ZNF407: variants seen among roughly 807,000 people sequenced by gnomAD.
ZNF407 encodes zinc finger protein 407.
ZNF407 carries 17 observed loss-of-function variants against 131.2 expected under a neutral mutation model. The observed-to-expected ratio is 0.13, with a 90% CI of 0.09 to 0.19. ZNF407 has a LOEUF of 0.19. Among genes scored for constraint, ZNF407 ranks in the 10% least tolerant of loss-of-function variants. ZNF407 has a pLI of 1.00. For missense variants in ZNF407, 2,681 were observed against 2,830.6 expected, an observed-to-expected ratio of 0.95 and a Z score of 1.20; for synonymous variants, 1,156 against 1,062.0, an observed-to-expected ratio of 1.09 and a Z score of -1.72.
rs188001466 is a variant in ZNF407, at chr18:74,863,885, G to C, written c.4878-13312G>C. 2.0e-3 allele frequency among the ~76,000 whole-genome samples: 307 copies of C among 152,176 alleles called. 4 individuals are homozygous for C. Among genetic ancestry groups the C allele is most frequent in the Admixed American group, 0.017 (264 of 15,292 alleles). On this transcript the variant is annotated intron_variant, in intron 4 of 8. Coordinates refer to ENST00000299687, the MANE Select transcript of ZNF407 (RefSeq NM_017757.3). ...GCATATCTGAACCTCTGGTTTTATA[G>C]TATTATAAAGTTATGCCTGGCAGTG...
At chr18:74,641,343 A>G (rs552824159) in intron 3 of ZNF407, among the ~76,000 whole-genome samples, 7 of 152,194 alleles carry the variant, frequency 4.6e-5, no homozygotes, top group Non-Finnish European at 7.4e-5. Context: ...TACAAGGTCA[A>G]TTTGAACCTG....
intron 3 of ZNF407, among the ~76,000 whole-genome samples, chr18:74,721,048 G>T (rs948645461): frequency 1.3e-5 from 2 of 149,812 alleles, no homozygotes; most frequent in Non-Finnish European, 3.0e-5. Flanking sequence ...TTGGTATTTT[G>T]ATAGGGATTG....
At chr18:74,979,186 A>T (rs1972560463) in intron 8 of ZNF407, among the ~76,000 whole-genome samples, 4 of 152,152 alleles carry the variant, frequency 2.6e-5, no homozygotes, top group Non-Finnish European at 4.4e-5. Flanking sequence ...ACCTCTGTAG[A>T]GTCTACTTGG....
In ZNF407 at chr18:74,964,963, G is replaced by C. The variant is rs957107368; in HGVS notation, c.5428+44271G>C. 2.0e-5 allele frequency among the ~76,000 whole-genome samples: 3 copies of C among 152,170 alleles called. 1 individual carries two copies. The highest frequency in any genetic ancestry group is 7.2e-5 in the African/African-American group (3 of 41,442). On this transcript the variant is annotated intron_variant, in intron 8 of 8. Transcript: ENST00000299687. The stretch of plus-strand genomic sequence containing the variant: ...CATTTTCGTGTGTATCTATATGATT[G>C]CCTTAGCAGTAGAAAGAACCTCTTC...
Position 75,033,973 on chromosome 18 carries a change from A to C in ZNF407, c.5429-29177A>C, listed in dbSNP as rs190029504. 5.3e-5 allele frequency among the ~76,000 whole-genome samples: 8 copies of C among 152,350 alleles called. No homozygotes were observed. In the East Asian group the frequency reaches 1.5e-3, roughly 29 times the overall value. The stretch of plus-strand genomic sequence containing the variant: ...TTTTATATTTTCTTCATATTTATCT[A>C]ATGTGATAAGATGGCAAGAGCTATA... On this transcript the variant is annotated intron_variant, in intron 8 of 8. Transcript: ENST00000299687.
At chr18:74,738,478 G>T (rs1318884722) in intron 3 of ZNF407, among the ~76,000 whole-genome samples, 1 of 145,826 alleles carries the variant, frequency 6.9e-6, no homozygotes, top group African/African-American at 2.7e-5. Context: ...GGTGGCTCAT[G>T]CCTGTAATGC....
chr18:74,652,353 GT>G (rs1331663939), intron 3 of ZNF407, among the ~76,000 whole-genome samples: 3 of 151,856 alleles, frequency 2.0e-5, no homozygotes, highest in African/African-American at 7.3e-5. Flanking sequence ...ACTTGCTAGG[GT>G]TTTTATTCAT....
At position 74,650,889 on chromosome 18, in the gene ZNF407, T is replaced by C. The variant is rs1003152561; in HGVS notation, c.4802+9767T>C. On this transcript the variant is annotated intron_variant, in intron 3 of 8. Transcript: ENST00000299687. ...TAAATTATTGAGAACTACATTTCCATTTCTGTAGTGGAGGGGGCAAGAAAT... is the reference window on the plus strand; with the variant it reads ...TAAATTATTGAGAACTACATTTCCACTTCTGTAGTGGAGGGGGCAAGAAAT... 3.9e-5 allele frequency among the ~76,000 whole-genome samples: 6 copies of C among 152,284 alleles called. No homozygotes were observed. The East Asian group carries it at 1.2e-3, about 29-fold the overall frequency.
chr18:74,840,721 T>C (rs1457817841), intron 4 of ZNF407, among the ~76,000 whole-genome samples: 2 of 152,154 alleles, frequency 1.3e-5, no homozygotes, highest in Non-Finnish European at 2.9e-5. Context: ...CATCTTCCTG[T>C]TTACATAGGC....
intron 8 of ZNF407, among the ~76,000 whole-genome samples, chr18:74,965,075 A>G (rs569384942): frequency 2.0e-5 from 3 of 152,276 alleles, no homozygotes; most frequent in South Asian, 2.1e-4. Flanking sequence ...TATTTATGGC[A>G]TACCTGAGAT....
rs1255195732 is a variant in ZNF407, at chr18:74,901,829, T to C, written c.5249+11791T>C. ...CACATATATTATTACCTTCCTTGCA[T>C]CTCTTTTTAACAAAACAATCTTTTA... On this transcript the variant is annotated intron_variant, in intron 7 of 8. Coordinates refer to ENST00000299687, the MANE Select transcript of ZNF407 (RefSeq NM_017757.3). Among the ~76,000 whole-genome samples, 4 of 152,294 alleles carry C rather than the reference T, an allele frequency of 2.6e-5. No individual in the cohort carries two copies. In the East Asian group the frequency reaches 7.7e-4, roughly 29 times the overall value.
At position 74,664,568 on chromosome 18, in the gene ZNF407, C is replaced by T. The variant is rs577363420; in HGVS notation, c.4802+23446C>T. On this transcript the variant is annotated intron_variant, in intron 3 of 8. Transcript: ENST00000299687. ...CACTTCACACATGAAGTATTTTAGTCACTTTAAAAAAGTGACTTTAAATCC... is the reference window on the plus strand; with the variant it reads ...CACTTCACACATGAAGTATTTTAGTTACTTTAAAAAAGTGACTTTAAATCC... 5.9e-5 allele frequency among the ~76,000 whole-genome samples: 9 copies of T among 152,170 alleles called. No individual in the cohort carries two copies. The South Asian group carries it at 1.7e-3, about 28-fold the overall frequency.
At chr18:74,845,681 A>G (rs1970693013) in intron 4 of ZNF407, among the ~76,000 whole-genome samples, 2 of 152,250 alleles carry the variant, frequency 1.3e-5, no homozygotes, top group Admixed American at 6.5e-5. Flanking sequence ...ACTAAAATAT[A>G]CAATGAAGTT....
intron 3 of ZNF407, among the ~76,000 whole-genome samples, chr18:74,664,959 T>C (rs993266687): frequency 7.2e-5 from 11 of 152,216 alleles, no homozygotes; most frequent in Admixed American, 4.6e-4. Flanking sequence ...GTTCGGGTTC[T>C]GCCAATTTCA....
rs539660882 is a variant in ZNF407, at chr18:75,012,324, T to C, written c.5429-50826T>C. 4.8e-3 allele frequency among the ~76,000 whole-genome samples: 491 copies of C among 101,284 alleles called. 18 individuals carry two copies. Among genetic ancestry groups the C allele is most frequent in the African/African-American group, 0.016 (455 of 28,284 alleles). The allele number at this position is 101,284 out of a possible 152,430, so 66.4% of individuals were successfully genotyped here. Reference sequence around the variant, plus strand: ...TATGTACACATAGTGTATGTACACATAGTGTATGTACACATAGTGTATGTA... The same window carrying C: ...TATGTACACATAGTGTATGTACACACAGTGTATGTACACATAGTGTATGTA... On this transcript the variant is annotated intron_variant, in intron 8 of 8. Transcript: ENST00000299687.
chr18:74,648,362 T>A (rs1985071901), intron 3 of ZNF407, among the ~76,000 whole-genome samples: 1 of 152,132 alleles, frequency 6.6e-6, no homozygotes, highest in South Asian at 2.1e-4. Flanking sequence ...AGGTGGACAG[T>A]TCCAGGGACA....
At chr18:75,053,305 G>A (rs1373167326) in intron 8 of ZNF407, among the ~76,000 whole-genome samples, 1 of 152,172 alleles carries the variant, frequency 6.6e-6, no homozygotes, top group Non-Finnish European at 1.5e-5. Context: ...ACCCCGTCAG[G>A]TCTGGGCTCA....
chr18:74,846,328 C>T (rs1375064016), intron 4 of ZNF407, among the ~76,000 whole-genome samples: 2 of 151,554 alleles, frequency 1.3e-5, no homozygotes, highest in Non-Finnish European at 2.9e-5. Flanking sequence ...AATGTCTGAA[C>T]TGGGATGTTA....
chr18:74,888,235 A>AT (rs1294244672), intron 6 of ZNF407, among the ~76,000 whole-genome samples: 3 of 151,052 alleles, frequency 2.0e-5, no homozygotes, highest in Admixed American at 1.3e-4. Context: ...ATTACTATAC[A>AT]TTTTTTTTTG....
Sources: gnomAD v4.1 joint callset for allele counts (sites outside exome capture counted in the v4.1 genomes callset) on GRCh38, gnomAD v4.1.1 for gene constraint, MANE v1.5 for transcripts, NCBI Gene and HGNC (gene_info 2026-07-23, HGNC 2026-07-21) for gene names.